STAU2: variants seen among roughly 807,000 people sequenced by gnomAD.
The protein encoded by STAU2 is double-stranded RNA-binding protein Staufen homolog 2.
STAU2 carries 20 observed loss-of-function variants against 65.9 expected under a neutral mutation model. The ratio of observed to expected loss-of-function variants is 0.30; its 90% CI spans 0.21 to 0.44. The LOEUF (loss-of-function observed/expected upper bound fraction) is 0.44, where lower values mean the gene tolerates loss of function less well. Among genes scored for constraint, STAU2 ranks in the 20% least tolerant of loss-of-function variants. STAU2 has a pLI of 1.00. For synonymous variants in STAU2, 232 were observed against 233.9 expected (o/e 0.99, Z 0.07); for missense variants, 558 against 683.9 (o/e 0.82, Z 2.05).
At chr8:73,490,415 GATA>G (rs1263836335) in intron 13 of STAU2, among the ~76,000 whole-genome samples, 1 of 151,964 alleles carries the variant, frequency 6.6e-6, no homozygotes, top group Non-Finnish European at 1.5e-5. Flanking sequence ...AATGAAATTT[GATA>G]ATATGAAGGT....
At chr8:73,712,886 T>C (rs898373439) in intron 3 of STAU2, among the ~76,000 whole-genome samples, 1 of 152,102 alleles carries the variant, frequency 6.6e-6, no homozygotes, top group Non-Finnish European at 1.5e-5. Flanking sequence ...AGCCCAGGAG[T>C]TCCAGACTGC....
chr8:73,567,526 T>G (rs1808701905), intron 12 of STAU2, among the ~76,000 whole-genome samples: 1 of 151,850 alleles, frequency 6.6e-6, no homozygotes. Context: ...AAATTGATTT[T>G]TTTTTCAAAT....
intron 3 of STAU2, among the ~76,000 whole-genome samples, chr8:73,711,001 A>T (rs1353421337): frequency 6.6e-6 from 1 of 151,876 alleles, no homozygotes; most frequent in African/African-American, 2.4e-5. Context: ...TATGATTAAG[A>T]AACTATTTTA....
chr8:73,716,081 AT>A (rs1434835551), intron 3 of STAU2, among the ~76,000 whole-genome samples: 4 of 134,604 alleles, frequency 3.0e-5, no homozygotes, highest in African/African-American at 8.6e-5. Flanking sequence ...TGCCCAGCTA[AT>A]TTTTTTTTCT....
chr8:73,625,227 G>A (rs76215190), intron 6 of STAU2, among the ~76,000 whole-genome samples: 29,426 of 152,034 alleles, frequency 0.19, 3,096 homozygotes, highest in East Asian at 0.37. Context: ...ATACCCAAGA[G>A]AAATGAAAAC....
intron 12 of STAU2, among the ~76,000 whole-genome samples, chr8:73,554,422 T>C (rs184412371): frequency 6.6e-6 from 1 of 152,310 alleles, no homozygotes; most frequent in Non-Finnish European, 1.5e-5. Context: ...CAGAAGCCAG[T>C]CCTCTGGGTA....
intron 13 of STAU2, among the ~76,000 whole-genome samples, chr8:73,509,098 C>T (rs1210434213): frequency 2.6e-5 from 4 of 152,208 alleles, no homozygotes; most frequent in African/African-American, 9.6e-5. Context: ...AAATGCTGTA[C>T]ATTCCTACCA....
rs60833468 is a variant in STAU2 at position 73,637,477 on chromosome 8, T to TAAAAAAAAAAAA, written c.411-20038_411-20027dup. On this transcript the variant is annotated intron_variant, in intron 6 of 14. Coordinates refer to ENST00000524300, the MANE Select transcript of STAU2 (RefSeq NM_001164380.2). The stretch of plus-strand genomic sequence containing the variant: ...TAAAGTCTTTATAAAGTGCTGAAAG[T>TAAAAAAAAAAAA]AAAAAAAAAAAAAAAAAAAAAAAAA... Among the ~76,000 whole-genome samples the TAAAAAAAAAAAA allele has an allele frequency of 7.1e-3, 406 of 57,108 alleles. 3 individuals are homozygous for TAAAAAAAAAAAA. The highest frequency in any genetic ancestry group is 0.025 in the Middle Eastern group (1 of 40). The allele number at this position is 57,108 out of a possible 152,430, so 37.5% of individuals were successfully genotyped here.
At chr8:73,681,888 T>A (rs1168794231) in intron 5 of STAU2, among the ~76,000 whole-genome samples, 1 of 152,008 alleles carries the variant, frequency 6.6e-6, no homozygotes, top group Non-Finnish European at 1.5e-5. Context: ...AAGAGGGACA[T>A]TACATAATGA....
At chr8:73,649,419 C>T (rs1034638826) in intron 6 of STAU2, among the ~76,000 whole-genome samples, 3 of 152,114 alleles carry the variant, frequency 2.0e-5, no homozygotes, top group Non-Finnish European at 4.4e-5. Context: ...GTTGCCGACC[C>T]TGATCTTTGC....
intron 13 of STAU2, among the ~76,000 whole-genome samples, chr8:73,535,000 A>G (rs1367996444): frequency 2.0e-5 from 3 of 152,252 alleles, no homozygotes; most frequent in African/African-American, 7.2e-5. Flanking sequence ...TTACATGCTT[A>G]TATTTGATAA....
intron 13 of STAU2, among the ~76,000 whole-genome samples, chr8:73,478,774 T>C (rs145142778): frequency 7.9e-5 from 12 of 152,120 alleles, no homozygotes; most frequent in Admixed American, 3.3e-4. Flanking sequence ...CCCCCAAAAA[T>C]CATTAAGAAT....
intron 13 of STAU2, among the ~76,000 whole-genome samples, chr8:73,533,914 A>G (rs1040446915): frequency 1.2e-4 from 19 of 152,190 alleles, no homozygotes; most frequent in Admixed American, 1.2e-3. Flanking sequence ...TTGATGTTGC[A>G]TGACTACTAA....
At chr8:73,516,608 C>T (rs1822741161) in intron 13 of STAU2, among the ~76,000 whole-genome samples, 1 of 152,028 alleles carries the variant, frequency 6.6e-6, no homozygotes, top group Non-Finnish European at 1.5e-5. Flanking sequence ...TGAAAAATAA[C>T]CAGTAACTGG....
At chr8:73,722,416 T>G (rs371782568) in intron 3 of STAU2, among the ~76,000 whole-genome samples, 2 of 152,230 alleles carry the variant, frequency 1.3e-5, no homozygotes, top group African/African-American at 4.8e-5. Flanking sequence ...TCTGAAGAAT[T>G]GCTTTTAAAT....
At chr8:73,504,823 C>T (rs925172037) in intron 13 of STAU2, among the ~76,000 whole-genome samples, 4 of 151,920 alleles carry the variant, frequency 2.6e-5, no homozygotes, top group African/African-American at 9.7e-5. Context: ...GGTTTTCTTT[C>T]AAGCAGTTAG....
At chr8:73,546,291 T>A (rs909726104) in intron 13 of STAU2, among the ~76,000 whole-genome samples, 26 of 152,060 alleles carry the variant, frequency 1.7e-4, no homozygotes, top group African/African-American at 6.3e-4. Flanking sequence ...CTTAAATGGC[T>A]TACTCAGTTG....
At chr8:73,454,194 G>A (rs1425126256) in intron 13 of STAU2, among the ~76,000 whole-genome samples, 2 of 152,170 alleles carry the variant, frequency 1.3e-5, no homozygotes, top group Non-Finnish European at 2.9e-5. Context: ...CACAAATTCT[G>A]CACTTTAGGC....
At chr8:73,704,636 C>A (rs1721284650) in intron 4 of STAU2, among the ~76,000 whole-genome samples, 1 of 152,112 alleles carries the variant, frequency 6.6e-6, no homozygotes, top group South Asian at 2.1e-4. Flanking sequence ...ACGTTGGTAT[C>A]TATTTCAAAT....
Sources: allele counts gnomAD v4.1 joint callset (sites outside exome capture counted in the v4.1 genomes callset), GRCh38; gene constraint gnomAD v4.1.1; transcripts MANE v1.5; gene names NCBI Gene and HGNC (gene_info 2026-07-23, HGNC 2026-07-21).